Variants in CEP162 observed in about 807,000 individuals in gnomAD.
CEP162 encodes the protein centrosomal protein of 162 kDa.
In CEP162, 141 loss-of-function variants were observed where a neutral mutation model predicts 169.2. That is an observed-to-expected ratio of 0.83 (90% CI 0.73 to 0.96). CEP162 has a LOEUF of 0.96. CEP162 is among the 40% of genes least tolerant of loss of function. The pLI, the probability that CEP162 is intolerant of heterozygous loss-of-function variation, is 0.00. For missense variants in CEP162, 1,600 were observed against 1,587.2 expected, an observed-to-expected ratio of 1.01 and a Z score of -0.14; for synonymous variants, 540 against 526.4, an observed-to-expected ratio of 1.03 and a Z score of -0.35.
At chr6:84,182,768 A>G (rs751681086) in intron 13 of CEP162, among the ~76,000 whole-genome samples, 2 of 152,198 alleles carry the variant, frequency 1.3e-5, no homozygotes, top group Non-Finnish European at 2.9e-5. Flanking sequence ...TTCCTTGCAC[A>G]GCTTTCCAGC....
chr6:84,130,473 C>T (rs926654550), intron 25 of CEP162, among the ~76,000 whole-genome samples: 4 of 152,166 alleles, frequency 2.6e-5, no homozygotes, highest in African/African-American at 9.6e-5. Flanking sequence ...TTCGGCTGTG[C>T]ACCCATCCAG....
At chr6:84,132,573 C>T (rs545079202) in intron 25 of CEP162, among the ~76,000 whole-genome samples, 55 of 152,294 alleles carry the variant, frequency 3.6e-4, no homozygotes, top group African/African-American at 1.3e-3. Flanking sequence ...AACTTCTCTT[C>T]TCACTTCATT....
intron 22 of CEP162, among the ~76,000 whole-genome samples, chr6:84,154,529 T>C (rs2129203983): frequency 6.6e-6 from 1 of 152,288 alleles, no homozygotes; most frequent in East Asian, 1.9e-4. Flanking sequence ...CTGTCATTTG[T>C]TGCTTTTCTC....
At chr6:84,134,378 G>C (rs954721909) in intron 25 of CEP162, among the ~76,000 whole-genome samples, 3 of 152,128 alleles carry the variant, frequency 2.0e-5, no homozygotes, top group African/African-American at 7.2e-5. Context: ...TGGCATTCCA[G>C]GCGCCACTGT....
At chr6:84,162,351 G>A (rs1189504202) in intron 19 of CEP162, among the ~76,000 whole-genome samples, 1 of 152,134 alleles carries the variant, frequency 6.6e-6, no homozygotes, top group East Asian at 1.9e-4. Context: ...TTTTACAGTG[G>A]ATACTACTAT....
intron 21 of CEP162, among the ~76,000 whole-genome samples, chr6:84,158,770 A>G (rs888772732): frequency 3.9e-5 from 6 of 152,228 alleles, no homozygotes; most frequent in Admixed American, 2.0e-4. Context: ...TAATGTATTC[A>G]TTTAAAAATT....
At chr6:84,144,201 G>A (rs906375417) in intron 25 of CEP162, among the ~76,000 whole-genome samples, 1 of 151,898 alleles carries the variant, frequency 6.6e-6, no homozygotes, top group African/African-American at 2.4e-5. Flanking sequence ...AAAGTAATTA[G>A]GCTTATTTGA....
intron 5 of CEP162, among the ~76,000 whole-genome samples, chr6:84,214,765 AG>A (rs2099550884): frequency 6.6e-6 from 1 of 152,164 alleles, no homozygotes; most frequent in African/African-American, 2.4e-5. Flanking sequence ...CAGGTTTCAA[AG>A]GTCTTGAGAA....
At position 84,161,626 on chromosome 6, in the gene CEP162, CTTAA is replaced by C. The variant is rs538658260; in HGVS notation, c.2676+116_2676+119del. 8.9e-5 allele frequency: 67 copies of C among 755,088 alleles called. No individual in the cohort carries two copies. In the South Asian group the frequency reaches 9.9e-4, roughly 11 times the overall value. The allele number at this position is 755,088 out of a possible 1,614,324, so 46.8% of individuals were successfully genotyped here. A position where few individuals can be genotyped will look rare whatever the true frequency, so the allele number is the denominator to read the frequency against. On this transcript the variant is annotated intron_variant, in intron 20 of 26. Transcript: ENST00000403245. ...ATATATCTAAAAGCAAACCACCGAT[CTTAA>C]TTAATAGTTCAGATCTTAATTAATT...
chr6:84,170,377 A>G (rs1012052657), intron 17 of CEP162, among the ~76,000 whole-genome samples: 2 of 99,906 alleles, frequency 2.0e-5, no homozygotes, highest in Admixed American at 9.2e-5. Context: ...CCGTCTCAAA[A>G]AAAAAAAAAA....
intron 21 of CEP162, 43 bp from the exon 22 acceptor site, chr6:84,155,553 A>G (rs2129204678): frequency 7.6e-7 from 1 of 1,311,148 alleles, no homozygotes; most frequent in Middle Eastern, 1.9e-4. Flanking sequence ...TAGATTTAAT[A>G]AATGAATTCA....
chr6:84,211,699 G>C (rs2127745329), intron 6 of CEP162, among the ~76,000 whole-genome samples: 1 of 151,912 alleles, frequency 6.6e-6, no homozygotes, highest in South Asian at 2.1e-4. Flanking sequence ...ATAAAACAAA[G>C]CTTAGCATTC....
At chr6:84,146,253 G>T (rs374358780) in intron 25 of CEP162, among the ~76,000 whole-genome samples, 1 of 152,000 alleles carries the variant, frequency 6.6e-6, no homozygotes, top group Non-Finnish European at 1.5e-5. Context: ...TGTGCTGCAC[G>T]TATTAATAAA....
intron 24 of CEP162, among the ~76,000 whole-genome samples, chr6:84,149,344 A>G (rs972512516): frequency 6.6e-6 from 1 of 152,030 alleles, no homozygotes; most frequent in African/African-American, 2.4e-5. Flanking sequence ...GTAGTTTTAA[A>G]GTAGAAAAAT....
chr6:84,190,971 G>A (rs144078175), intron 11 of CEP162, among the ~76,000 whole-genome samples: 278 of 152,278 alleles, frequency 1.8e-3, no homozygotes, highest in African/African-American at 6.3e-3. Flanking sequence ...GTAAGCCACC[G>A]TGCCCAGCCT....
intron 17 of CEP162, among the ~76,000 whole-genome samples, chr6:84,169,941 G>A (rs1161426358): frequency 6.6e-6 from 1 of 152,046 alleles, no homozygotes; most frequent in Admixed American, 6.6e-5. Flanking sequence ...TAACCCTAAT[G>A]TACTAAAGAA....
chr6:84,168,451 C>A (rs1027603989), intron 18 of CEP162, among the ~76,000 whole-genome samples: 2 of 151,898 alleles, frequency 1.3e-5, no homozygotes, highest in Non-Finnish European at 2.9e-5. Context: ...TGGTAAATTA[C>A]TATTAAAAAA....
At position 84,194,367 on chromosome 6, in the gene CEP162, AG is replaced by A. The variant is rs200366947; in HGVS notation, c.1027+516del. Among the ~76,000 whole-genome samples, 348 of 142,950 alleles carry A rather than the reference AG, an allele frequency of 2.4e-3. 6 individuals are homozygous for A. The highest frequency in any genetic ancestry group is 7.9e-3 in the African/African-American group (318 of 40,224). 93.8% of individuals were successfully genotyped at this position (142,950 alleles called of 152,430 possible). On this transcript the variant is annotated intron_variant, in intron 10 of 26. Transcript: ENST00000403245. ...AAGACTCCGTCTCAAAAAAAAAAAA[AG>A]AAAAGAAAAGAAAGTGAAATTTCGT...
chr6:84,219,820 A>G (rs58087758), intron 3 of CEP162, among the ~76,000 whole-genome samples: 1 of 152,166 alleles, frequency 6.6e-6, no homozygotes, highest in African/African-American at 2.4e-5. Context: ...AAAGCTCCCA[A>G]CCGCAGGAGT....
Sources: gnomAD v4.1 joint callset for allele counts (sites outside exome capture counted in the v4.1 genomes callset) on GRCh38, gnomAD v4.1.1 for gene constraint, MANE v1.5 for transcripts, NCBI Gene and HGNC (gene_info 2026-07-23, HGNC 2026-07-21) for gene names.